The following KCNIP4 variants were observed in gnomAD, a reference collection of about 807,000 sequenced individuals.
The protein encoded by KCNIP4 is potassium voltage-gated channel interacting protein 4.
In KCNIP4, 12 loss-of-function variants were observed where a neutral mutation model predicts 34.0. The ratio of observed to expected loss-of-function variants is 0.35; its 90% CI spans 0.23 to 0.57. KCNIP4 has a LOEUF of 0.57. KCNIP4 is among the 20% of genes least tolerant of loss of function. KCNIP4 has a pLI of 0.83. For missense variants in KCNIP4, 238 were observed against 311.7 expected, an observed-to-expected ratio of 0.76 and a Z score of 1.78; for synonymous variants, 124 against 102.2, an observed-to-expected ratio of 1.21 and a Z score of -1.29.
intron 1 of KCNIP4, among the ~76,000 whole-genome samples, chr4:21,506,213 T>G (rs1733836551): frequency 6.6e-6 from 1 of 152,164 alleles, no homozygotes; most frequent in South Asian, 2.1e-4. Context: ...TCATTTACAT[T>G]TTCTTTTCAG....
chr4:20,972,207 G>A (rs1735025967), intron 1 of KCNIP4, among the ~76,000 whole-genome samples: 4 of 152,032 alleles, frequency 2.6e-5, no homozygotes, highest in Admixed American at 2.6e-4. Flanking sequence ...TCCTGTTAGT[G>A]TTATTTTAAC....
chr4:21,053,054 A>T (rs1306617182), intron 1 of KCNIP4, among the ~76,000 whole-genome samples: 1 of 151,676 alleles, frequency 6.6e-6, no homozygotes, highest in Non-Finnish European at 1.5e-5. Context: ...TATATATATA[A>T]ATAAAAATCT....
At chr4:21,431,646 G>C (rs1726458473) in intron 1 of KCNIP4, among the ~76,000 whole-genome samples, 1 of 152,112 alleles carries the variant, frequency 6.6e-6, no homozygotes, top group South Asian at 2.1e-4. Context: ...CAGAGCATGA[G>C]TTAGCACTAA....
At chr4:20,875,423 T>A (rs1723913363) in intron 2 of KCNIP4, among the ~76,000 whole-genome samples, 2 of 152,188 alleles carry the variant, frequency 1.3e-5, no homozygotes, top group South Asian at 2.1e-4. Flanking sequence ...TTTTAGGATA[T>A]AATGAGTTAT....
At chr4:21,883,494 G>A (rs970476162) in intron 1 of KCNIP4, among the ~76,000 whole-genome samples, 12 of 151,776 alleles carry the variant, frequency 7.9e-5, no homozygotes, top group African/African-American at 2.9e-4. Flanking sequence ...ACTGATAAAG[G>A]TATATTAATA....
At chr4:21,496,179 C>T (rs1044441831) in intron 1 of KCNIP4, among the ~76,000 whole-genome samples, 12 of 152,158 alleles carry the variant, frequency 7.9e-5, no homozygotes, top group African/African-American at 2.6e-4. Flanking sequence ...CAGTTTATGC[C>T]TGTATCAGGA....
intron 1 of KCNIP4, among the ~76,000 whole-genome samples, chr4:21,918,681 T>C (rs1445736832): frequency 6.6e-6 from 1 of 152,146 alleles, no homozygotes; most frequent in Non-Finnish European, 1.5e-5. Flanking sequence ...TGAAACAAAT[T>C]TCTAATTTTC....
In KCNIP4 at chr4:21,469,254, C is replaced by A. The variant is rs1261905525; in HGVS notation, c.61+479317G>T. On this transcript the variant is annotated intron_variant, in intron 1 of 8. Coordinates refer to ENST00000382152, the MANE Select transcript of KCNIP4 (RefSeq NM_025221.6). ...TATTTTCTTCCCCCACCATATTACC[C>A]AGGTTTGTCTCAAACTCCTGGGCTC... is the stretch of plus-strand genomic sequence containing the variant. Among the ~76,000 whole-genome samples the A allele has an allele frequency of 2.0e-5, 3 of 152,106 alleles. No homozygotes were observed. The South Asian group carries it at 6.2e-4, about 32-fold the overall frequency.
At chr4:21,430,087 A>C (rs1726304552) in intron 1 of KCNIP4, among the ~76,000 whole-genome samples, 1 of 152,152 alleles carries the variant, frequency 6.6e-6, no homozygotes, top group South Asian at 2.1e-4. Context: ...TGTTTTTAGC[A>C]TTAGCAGAAT....
chr4:20,972,649 T>G (rs1053370824), intron 1 of KCNIP4, among the ~76,000 whole-genome samples: 3 of 152,132 alleles, frequency 2.0e-5, no homozygotes, highest in South Asian at 2.1e-4. Context: ...TTAGTATAGT[T>G]TTTTTTAAAA....
At chr4:21,598,120 G>C (rs1246620657) in intron 1 of KCNIP4, among the ~76,000 whole-genome samples, 2 of 152,046 alleles carry the variant, frequency 1.3e-5, no homozygotes, top group Non-Finnish European at 2.9e-5. Flanking sequence ...AATGAAAGGA[G>C]AGAACACGGA....
At chr4:20,994,418 T>C (rs946788179) in intron 1 of KCNIP4, among the ~76,000 whole-genome samples, 1 of 152,222 alleles carries the variant, frequency 6.6e-6, no homozygotes, top group Non-Finnish European at 1.5e-5. Flanking sequence ...AAGAACTTTG[T>C]CTTTGAGAAG....
chr4:21,458,567 C>A (rs73249592), intron 1 of KCNIP4, among the ~76,000 whole-genome samples: 17,751 of 151,978 alleles, frequency 0.12, 1,223 homozygotes, highest in South Asian at 0.16. Context: ...GGATGGTTGG[C>A]AAGAGGTATA....
intron 1 of KCNIP4, among the ~76,000 whole-genome samples, chr4:21,315,873 T>C (rs1713697043): frequency 6.6e-6 from 1 of 152,138 alleles, no homozygotes; most frequent in Non-Finnish European, 1.5e-5. Flanking sequence ...TATATTTCAT[T>C]TTGCAGAATG....
At chr4:21,295,386 C>T (rs375855328) in intron 1 of KCNIP4, among the ~76,000 whole-genome samples, 11 of 152,248 alleles carry the variant, frequency 7.2e-5, no homozygotes, top group African/African-American at 2.6e-4. Flanking sequence ...GAATCAGGAA[C>T]TGTGTAGAGA....
intron 1 of KCNIP4, among the ~76,000 whole-genome samples, chr4:21,627,888 G>C (rs1253678040): frequency 6.6e-6 from 1 of 152,114 alleles, no homozygotes; most frequent in South Asian, 2.1e-4. Flanking sequence ...TATGAAAGTT[G>C]AGTGTAAATG....
chr4:21,723,471 G>A (rs1423918925), intron 1 of KCNIP4, among the ~76,000 whole-genome samples: 5 of 152,022 alleles, frequency 3.3e-5, no homozygotes, highest in Admixed American at 3.3e-4. Context: ...TCTCTTTCCA[G>A]TAATGTACAG....
chr4:21,132,015 C>T (rs34607909), intron 1 of KCNIP4, among the ~76,000 whole-genome samples: 13,360 of 152,020 alleles, frequency 0.088, 786 homozygotes, highest in East Asian at 0.17. Flanking sequence ...ATGAGGAGGG[C>T]GTGTGATGGA....
chr4:21,506,972 C>T (rs62301295), intron 1 of KCNIP4, among the ~76,000 whole-genome samples: 23,715 of 151,482 alleles, frequency 0.16, 2,270 homozygotes, highest in East Asian at 0.52. Flanking sequence ...TGTGTGTGTG[C>T]AGATGGAGTC....
Sources: allele counts gnomAD v4.1 joint callset (sites outside exome capture counted in the v4.1 genomes callset), GRCh38; gene constraint gnomAD v4.1.1; transcripts MANE v1.5; gene names NCBI Gene and HGNC (gene_info 2026-07-23, HGNC 2026-07-21).